Variants in CPAMD8 observed in about 807,000 individuals in gnomAD.
CPAMD8 encodes C3 and PZP-like alpha-2-macroglobulin domain-containing protein 8.
In CPAMD8, 146 loss-of-function variants were observed where a neutral mutation model predicts 224.7. The observed-to-expected ratio is 0.65, with a 90% CI of 0.57 to 0.75. The LOEUF (loss-of-function observed/expected upper bound fraction) is 0.75. CPAMD8 is among the 30% of genes least tolerant of loss of function. CPAMD8 has a pLI of 0.00. For synonymous variants in CPAMD8, 966 were observed against 1,044.6 expected (o/e 0.92, Z 1.45); for missense variants, 2,301 against 2,537.5 (o/e 0.91, Z 2.00).
rs368779407 is a variant in CPAMD8, at chr19:16,914,517, G to T, written c.3787-19C>A. 4.3e-6 allele frequency: 7 copies of T among 1,613,318 alleles called. No homozygotes were observed. The highest frequency in any genetic ancestry group is 5.9e-6 in the Non-Finnish European group (7 of 1,179,370). On this transcript the variant is annotated intron_variant, in intron 28 of 41. Coordinates refer to ENST00000443236, the MANE Select transcript of CPAMD8 (RefSeq NM_015692.5). ...TCCCACCCTGCAAGGGGACTCACAG[G>T]CCTCACCCTAAGCCAAAGGAGACAG...
At chr19:16,930,024 G>A (rs1446477330) in intron 23 of CPAMD8, among the ~76,000 whole-genome samples, 1 of 152,154 alleles carries the variant, frequency 6.6e-6, no homozygotes, top group Non-Finnish European at 1.5e-5. Context: ...GGAGGCTGAG[G>A]CAGGTGGACC....
intron 14 of CPAMD8, 107 bp from the exon 15 acceptor site, chr19:16,977,647 C>G: frequency 2.7e-6 from 2 of 744,734 alleles, no homozygotes; most frequent in Non-Finnish European, 4.2e-6. Context: ...CTCCTGTCTA[C>G]GCATTGAGAC....
At chr19:16,954,972 C>CA (rs2054420378) in intron 19 of CPAMD8, among the ~76,000 whole-genome samples, 1 of 152,154 alleles carries the variant, frequency 6.6e-6, no homozygotes, top group Admixed American at 6.6e-5. Context: ...ACTAAAAATA[C>CA]AAAAAATTAG....
At chr19:16,990,813 G>C (rs907386191) in intron 12 of CPAMD8, among the ~76,000 whole-genome samples, 1 of 132,722 alleles carries the variant, frequency 7.5e-6, no homozygotes, top group East Asian at 2.2e-4. Context: ...CAGTGAGCTG[G>C]AATCACGCCA....
chr19:16,898,489 T>A lies in CPAMD8; in HGVS notation c.4849-495A>T, dbSNP rs1386766135. Among the ~76,000 whole-genome samples the A allele has an allele frequency of 1.3e-5, 2 of 152,150 alleles. No individual in the cohort carries two copies. The highest frequency in any genetic ancestry group is 2.4e-5 in the African/African-American group (1 of 41,444). ...ACTCCTTTTTGTGTGTGTGCACGCA[T>A]GGCTGAGCATGTGTGGGTGGGAGTC... On this transcript the variant is annotated intron_variant, in intron 37 of 41. Transcript: ENST00000443236. The surrounding 1 kb of genome is among the most constrained non-coding windows in gnomAD (Gnocchi z 4.2).
At chr19:16,992,415 C>A (rs1310706038) in intron 12 of CPAMD8, among the ~76,000 whole-genome samples, 4 of 151,758 alleles carry the variant, frequency 2.6e-5, no homozygotes, top group Non-Finnish European at 5.9e-5. Context: ...CATAGCAAGA[C>A]CCCATCTCTA....
intron 18 of CPAMD8, among the ~76,000 whole-genome samples, chr19:16,966,311 C>T (rs2054826109): frequency 6.6e-6 from 1 of 152,312 alleles, no homozygotes; most frequent in South Asian, 2.1e-4. Flanking sequence ...GAAACTGGAT[C>T]CCTTCCTTAC....
intron 7 of CPAMD8, among the ~76,000 whole-genome samples, chr19:17,006,281 A>T (rs1172691368): frequency 2.0e-5 from 3 of 152,110 alleles, no homozygotes; most frequent in Non-Finnish European, 2.9e-5. Flanking sequence ...TTTTTTAAAC[A>T]GGAGGTTGAC....
At chr19:17,001,631 G>T (rs1310685104) in intron 9 of CPAMD8, among the ~76,000 whole-genome samples, 1 of 152,084 alleles carries the variant, frequency 6.6e-6, no homozygotes, top group Non-Finnish European at 1.5e-5. Context: ...TGGAAACAAA[G>T]ACAGGCAGTG....
At chr19:17,025,285 G>A (rs1489605951) in intron 1 of CPAMD8, among the ~76,000 whole-genome samples, 1 of 152,106 alleles carries the variant, frequency 6.6e-6, no homozygotes, top group African/African-American at 2.4e-5. Flanking sequence ...GGTGGCACAC[G>A]CCTGTAATCC....
chr19:16,936,999 C>T (rs907540628), intron 23 of CPAMD8, among the ~76,000 whole-genome samples: 2 of 151,488 alleles, frequency 1.3e-5, no homozygotes, highest in African/African-American at 4.9e-5. Context: ...TTCCTTCCTT[C>T]CTTCCTTTTT....
chr19:16,941,949 G>A (rs184805960), intron 22 of CPAMD8, among the ~76,000 whole-genome samples: 5 of 152,250 alleles, frequency 3.3e-5, no homozygotes, highest in East Asian at 1.9e-4. Flanking sequence ...CTCCAGCGTG[G>A]CGACAGAGCG....
In CPAMD8 at chr19:16,945,589, G is replaced by A; in HGVS notation, c.2753C>T (p.Pro918Leu). ...GCGCCTGACGTGATCCACCCCGATG[G>A]GGACCCTCCTGTCGGCGTGATTCTC... The part of the protein sequence containing the change: ...PEENHADRRV[P>L]IGVDHVRRSV... The change falls in exon 22 of 42, where the codon CCC becomes CTC. Residue 918 changes from proline to leucine, a missense_variant. Around this residue, in one of 4 missense-constraint regions of CPAMD8, gnomAD observed 1,709 missense variants for 1,753.2 expected, o/e 0.97. Coordinates refer to ENST00000443236, the MANE Select transcript of CPAMD8 (RefSeq NM_015692.5). The A allele has an allele frequency of 6.2e-7, 1 of 1,614,172 alleles. No individual in the cohort carries two copies. Among genetic ancestry groups the A allele is most frequent in the South Asian group, 1.1e-5 (1 of 91,084 alleles).
intron 2 of CPAMD8, among the ~76,000 whole-genome samples, chr19:17,021,107 G>A (rs2056943311): frequency 6.6e-6 from 1 of 152,202 alleles, no homozygotes; most frequent in African/African-American, 2.4e-5. Context: ...ACCAAGATAG[G>A]CCAATCAGAG....
intron 22 of CPAMD8, among the ~76,000 whole-genome samples, chr19:16,941,712 C>T (rs918683486): frequency 9.2e-5 from 14 of 152,052 alleles, no homozygotes; most frequent in Middle Eastern, 3.2e-3. Flanking sequence ...CGGTGGCTCA[C>T]GCCTGTAATC....
At chr19:16,909,643 G>A (rs2052649453) in intron 29 of CPAMD8, among the ~76,000 whole-genome samples, 2 of 151,956 alleles carry the variant, frequency 1.3e-5, no homozygotes, top group Admixed American at 1.3e-4. Flanking sequence ...TACTTGGGAG[G>A]CTGAGGCAGG....
intron 28 of CPAMD8, 44 bp downstream of exon 28, chr19:16,914,613 G>A (rs754866956): frequency 2.5e-6 from 4 of 1,613,436 alleles, no homozygotes; most frequent in Non-Finnish European, 3.4e-6. Context: ...GGGGCTCTGG[G>A]AGGAGGTGAG....
chr19:16,952,233 C>T (rs372375736), intron 19 of CPAMD8, 33 bp from the exon 20 acceptor site: 47 of 1,276,300 alleles, frequency 3.7e-5, no homozygotes, highest in Middle Eastern at 2.5e-4. Flanking sequence ...GATGGGGGGC[C>T]CTTCTCCAGG....
chr19:16,903,963 G>A (rs2052366288), intron 32 of CPAMD8, 106 bp from the exon 33 acceptor site: 1 of 1,185,266 alleles, frequency 8.4e-7, no homozygotes, highest in Non-Finnish European at 1.2e-6. Flanking sequence ...CAACGGGGCT[G>A]GAATAGAGAC....
Sources: allele counts gnomAD v4.1 joint callset (sites outside exome capture counted in the v4.1 genomes callset), GRCh38; gene constraint gnomAD v4.1.1; regional missense constraint gnomAD v4.1.1; non-coding constraint Gnocchi (gnomAD v3.1); transcripts MANE v1.5; gene names NCBI Gene and HGNC (gene_info 2026-07-23, HGNC 2026-07-21).